Variants in RGMB observed in about 807,000 individuals in gnomAD.
The protein encoded by RGMB is repulsive guidance molecule BMP co-receptor b, also known as repulsive guidance molecule B.
RGMB carries 16 observed loss-of-function variants against 26.9 expected under a neutral mutation model. The observed-to-expected ratio is 0.60, with a 90% confidence interval of 0.40 to 0.90. The LOEUF is 0.90. Ranked by LOEUF, RGMB falls within the 40% of genes least tolerant of loss-of-function variation. RGMB has a pLI of 0.00. For synonymous variants in RGMB, 225 were observed against 229.3 expected (o/e 0.98, Z 0.17); for missense variants, 512 against 573.3 (o/e 0.89, Z 1.09).
chr5:98,776,137 A>G (rs182718507), intron 1 of RGMB, among the ~76,000 whole-genome samples: 156 of 152,298 alleles, frequency 1.0e-3, no homozygotes, highest in Non-Finnish European at 1.8e-3. Context: ...CTGGTGTTAA[A>G]GAAACTGTCT....
chr5:98,773,670 T>G lies in RGMB; in HGVS notation c.-401T>G. The stretch of plus-strand genomic sequence containing the variant: ...GACCGCGGGGGCTGCCGCGCAGAGA[T>G]ATCCGGGCCGCCGGTGGGTGGTCGC... On this transcript the variant is annotated 5_prime_UTR_variant, in exon 1 of 3. Transcript: ENST00000513185. 1 of 349,712 alleles carries G rather than the reference T, an allele frequency of 2.9e-6. No individual in the cohort carries two copies. The highest frequency in any genetic ancestry group is 5.1e-6 in the Non-Finnish European group (1 of 195,128). The allele number at this position is 349,712 out of a possible 1,614,324, so 21.7% of individuals were successfully genotyped here. A position where few individuals can be genotyped will look rare whatever the true frequency, so the allele number is the denominator to read the frequency against.
intron 1 of RGMB, among the ~76,000 whole-genome samples, chr5:98,778,542 C>T (rs759632042): frequency 6.6e-6 from 1 of 152,100 alleles, no homozygotes; most frequent in Non-Finnish European, 1.5e-5. Flanking sequence ...TGTTACAGTT[C>T]ATTTATATAA....
Position 98,779,855 on chromosome 5 carries a change from C to A in RGMB, c.412C>A (p.Pro138Thr). ...TACCAACCCCGAAGTGACCCATGAT[C>A]CTTGCAACTATCACAGCCACGCTGG... ...SSTNPEVTHD[P>T]CNYHSHAGAR... The change falls in exon 2 of 3, where the codon CCT (proline) becomes ACT (threonine). Residue 138 changes from proline (P) to threonine (T), a missense_variant. Coordinates refer to ENST00000513185, the MANE Select transcript of RGMB (RefSeq NM_001366508.1). The A allele has an allele frequency of 6.2e-7, 1 of 1,614,046 alleles. No individual in the cohort carries two copies. The highest frequency in any genetic ancestry group is 8.5e-7 in the Non-Finnish European group (1 of 1,179,896).
At chr5:98,774,247 A>G in intron 1 of RGMB, 41 bp downstream of exon 1, 2 of 1,360,530 alleles carry the variant, frequency 1.5e-6, no homozygotes, top group South Asian at 1.7e-5. Context: ...CCCGGGGCCT[A>G]GGGCTTTGTT....
Position 98,773,669 on chromosome 5 carries a change from A to C in RGMB, c.-402A>C. 1 of 350,586 alleles carries C rather than the reference A, an allele frequency of 2.9e-6. No homozygotes were observed. Among genetic ancestry groups the C allele is most frequent in the South Asian group, 1.4e-4 (1 of 7,352 alleles). The allele number at this position is 350,586 out of a possible 1,614,324, so 21.7% of individuals were successfully genotyped here. On this transcript the variant is annotated 5_prime_UTR_variant, in exon 1 of 3. Coordinates refer to ENST00000513185, the MANE Select transcript of RGMB (RefSeq NM_001366508.1). The stretch of plus-strand genomic sequence containing the variant: ...CGACCGCGGGGGCTGCCGCGCAGAG[A>C]TATCCGGGCCGCCGGTGGGTGGTCG...
In RGMB at chr5:98,781,713, T is replaced by C. The variant is rs551348327; in HGVS notation, c.645+1625T>C. On this transcript the variant is annotated intron_variant, in intron 2 of 2. Transcript: ENST00000513185. ...CTTGTAAATGGGGAAATACTCATTC[T>C]CTTCACAAGAAGCAGTATTCAAATT... Among the ~76,000 whole-genome samples the C allele has an allele frequency of 3.3e-5, 5 of 152,338 alleles. No homozygotes were observed. The East Asian group carries it at 9.6e-4, about 29-fold the overall frequency.
Position 98,780,063 on chromosome 5 carries a change from G to A in RGMB, c.620G>A (p.Gly207Glu), listed in dbSNP as rs1403366837. 4 of 1,612,038 alleles carry A rather than the reference G, an allele frequency of 2.5e-6. No individual in the cohort carries two copies. In the Admixed American group the frequency reaches 5.0e-5, roughly 20 times the overall value. Residue 207 changes from glycine to glutamate, a missense_variant, in exon 2 of 3, where the codon GGA (glycine) becomes GAA (glutamate). Coordinates refer to ENST00000513185, the MANE Select transcript of RGMB (RefSeq NM_001366508.1). ...GTGACAAACGTACCTGTGGTCCCTG[G>A]ATCCAGTGCTACTGCTACAAATAAG... ...VQVTNVPVVP[G>E]SSATATNKIT...
At chr5:98,782,185 T>C (rs927528591) in intron 2 of RGMB, among the ~76,000 whole-genome samples, 4 of 152,178 alleles carry the variant, frequency 2.6e-5, no homozygotes, top group African/African-American at 9.7e-5. Flanking sequence ...CCCCTTCTCT[T>C]TGTAACTCTC....
Position 98,793,645 on chromosome 5 carries a change from G to C in RGMB, c.1206G>C (p.Lys402Asn), listed in dbSNP as rs1747016537. ...ATGTGGAGGCCCTGCACCCAAGGAA[G>C]GAACGCTGGCACATTTTCCCCAGCA... is the stretch of plus-strand genomic sequence containing the variant. Reference protein sequence around the residue: ...LEDVEALHPRKERWHIFPSSG... With the variant: ...LEDVEALHPRNERWHIFPSSG... Residue 402 changes from lysine (K) to asparagine (N), a missense_variant, in exon 3 of 3, where the codon AAG (lysine) becomes AAC (asparagine). Transcript: ENST00000513185. 2 of 1,613,918 alleles carry C rather than the reference G, an allele frequency of 1.2e-6. No individual in the cohort carries two copies. The highest frequency in any genetic ancestry group is 1.3e-5 in the African/African-American group (1 of 74,952).
chr5:98,770,851 G>A, upstream of RGMB: 1 of 422,190 alleles, frequency 2.4e-6, no homozygotes. Context: ...ACGCTGAGCT[G>A]TTGGACTCCG....
At chr5:98,783,475 G>A (rs1746670302) in intron 2 of RGMB, among the ~76,000 whole-genome samples, 1 of 152,178 alleles carries the variant, frequency 6.6e-6, no homozygotes, top group South Asian at 2.1e-4. Context: ...ACCCTTCACA[G>A]GCTCCAGAGA....
rs1358471672 is a variant in RGMB at position 98,795,584 on chromosome 5, G to A, written c.*1831G>A. ...AGGAAGGCATCTCCTTCTTACTCAT[G>A]GAGATTCAACTATAGAGAGTTGAAA... On this transcript the variant is annotated 3_prime_UTR_variant, in exon 3 of 3. Coordinates refer to ENST00000513185, the MANE Select transcript of RGMB (RefSeq NM_001366508.1). 1.3e-5 allele frequency: 2 copies of A among 152,166 alleles called. No homozygotes were observed. Among genetic ancestry groups the A allele is most frequent in the African/African-American group, 4.8e-5 (2 of 41,432 alleles). 9.4% of individuals were successfully genotyped at this position (152,166 alleles called of 1,614,324 possible).
At chr5:98,784,754 A>G (rs974721901) in intron 2 of RGMB, among the ~76,000 whole-genome samples, 1 of 152,218 alleles carries the variant, frequency 6.6e-6, no homozygotes, top group Non-Finnish European at 1.5e-5. Context: ...TCTTTATGGA[A>G]ACCATGTGAG....
chr5:98,786,522 GC>G (rs1193684174), intron 2 of RGMB, among the ~76,000 whole-genome samples: 2 of 152,122 alleles, frequency 1.3e-5, no homozygotes, highest in African/African-American at 4.8e-5. Context: ...TTTTTTGTTG[GC>G]TTCTATTAAT....
At chr5:98,785,677 GTTC>G (rs1180307405) in intron 2 of RGMB, among the ~76,000 whole-genome samples, 3 of 152,188 alleles carry the variant, frequency 2.0e-5, no homozygotes. Flanking sequence ...ATAGTCGCCA[GTTC>G]TTAATTAAAT....
At chr5:98,770,366 G>C (rs1290684762), upstream of RGMB, 1 of 382,374 alleles carries the variant, frequency 2.6e-6, no homozygotes, top group Non-Finnish European at 4.6e-6. Context: ...AGGCTGCACT[G>C]GTTTCCTGAG....
intron 2 of RGMB, among the ~76,000 whole-genome samples, chr5:98,787,449 G>T (rs1388427977): frequency 6.6e-6 from 1 of 152,202 alleles, no homozygotes; most frequent in Non-Finnish European, 1.5e-5. Flanking sequence ...GACCTGCTAG[G>T]ACAGATTCGG....
At chr5:98,776,934 A>G (rs915413099) in intron 1 of RGMB, among the ~76,000 whole-genome samples, 1 of 152,132 alleles carries the variant, frequency 6.6e-6, no homozygotes, top group Non-Finnish European at 1.5e-5. Flanking sequence ...TAAAAATACA[A>G]AATTAGCCGG....
At chr5:98,770,492 G>A (rs1209611895), upstream of RGMB, 2 of 467,316 alleles carry the variant, frequency 4.3e-6, no homozygotes, top group Non-Finnish European at 7.3e-6. Context: ...GATTGCGGGG[G>A]CCCGTTGTCT....
Sources: gnomAD v4.1 joint callset for allele counts (sites outside exome capture counted in the v4.1 genomes callset) on GRCh38, gnomAD v4.1.1 for gene constraint, MANE v1.5 for transcripts, NCBI Gene and HGNC (gene_info 2026-07-23, HGNC 2026-07-21) for gene names.